Variants in PTPRG observed in about 807,000 individuals in gnomAD.
PTPRG encodes protein tyrosine phosphatase receptor type G.
PTPRG carries 102 observed loss-of-function variants against 165.3 expected under a neutral mutation model. That is an observed-to-expected ratio of 0.62 (90% CI 0.53 to 0.73). The LOEUF (loss-of-function observed/expected upper bound fraction) is 0.73. PTPRG is among the 30% of genes least tolerant of loss of function. PTPRG has a pLI of 0.00. For synonymous variants in PTPRG, 675 were observed against 669.5 expected (o/e 1.01, Z -0.13); for missense variants, 1,866 against 1,861.4 (o/e 1.00, Z -0.05).
At chr3:61,773,685 C>G (rs1195801820) in intron 2 of PTPRG, among the ~76,000 whole-genome samples, 1 of 151,856 alleles carries the variant, frequency 6.6e-6, no homozygotes, top group Non-Finnish European at 1.5e-5. Context: ...CTGCTGTATC[C>G]TGAGATCTCA....
chr3:61,791,021 A>G (rs1039868008), intron 2 of PTPRG, among the ~76,000 whole-genome samples: 1 of 152,186 alleles, frequency 6.6e-6, no homozygotes, highest in Non-Finnish European at 1.5e-5. Context: ...GTTAAGGTAA[A>G]GATGTCGGTT....
intron 1 of PTPRG, among the ~76,000 whole-genome samples, chr3:61,642,675 A>G (rs1176679129): frequency 6.6e-6 from 1 of 152,208 alleles, no homozygotes; most frequent in Non-Finnish European, 1.5e-5. Flanking sequence ...TGACTTGGAA[A>G]TGAAGCTTTT....
At chr3:62,106,229 T>C (rs987364873) in intron 5 of PTPRG, among the ~76,000 whole-genome samples, 4 of 152,098 alleles carry the variant, frequency 2.6e-5, no homozygotes, top group Non-Finnish European at 5.9e-5. Flanking sequence ...CTAGAGAAGG[T>C]TGGGGAGGGC....
At chr3:61,699,696 A>G (rs1362998864) in intron 1 of PTPRG, among the ~76,000 whole-genome samples, 1 of 152,180 alleles carries the variant, frequency 6.6e-6, no homozygotes, top group African/African-American at 2.4e-5. Flanking sequence ...CTTGGCTTGA[A>G]TTGTCTGCTG....
chr3:62,141,840 T>C (rs546657370), intron 6 of PTPRG, among the ~76,000 whole-genome samples: 6 of 151,028 alleles, frequency 4.0e-5, no homozygotes, highest in South Asian at 2.1e-4. Context: ...ACCCAGGAGG[T>C]TGAGGCTGCA....
intron 4 of PTPRG, among the ~76,000 whole-genome samples, chr3:62,048,710 A>T (rs1161580187): frequency 6.6e-6 from 1 of 152,210 alleles, no homozygotes; most frequent in Non-Finnish European, 1.5e-5. Flanking sequence ...GTCTTCAGAA[A>T]ATCCTAGTGG....
chr3:62,123,602 G>C (rs73096515), intron 5 of PTPRG, among the ~76,000 whole-genome samples: 1 of 151,884 alleles, frequency 6.6e-6, no homozygotes, highest in Non-Finnish European at 1.5e-5. Flanking sequence ...AAAGGGTTAC[G>C]TTTACAACTA....
chr3:61,926,129 G>A (rs1327315927), intron 2 of PTPRG, among the ~76,000 whole-genome samples: 1 of 152,170 alleles, frequency 6.6e-6, no homozygotes, highest in Non-Finnish European at 1.5e-5. Context: ...GTAATGGAGG[G>A]CTATTTTAAG....
intron 1 of PTPRG, among the ~76,000 whole-genome samples, chr3:61,652,636 G>T (rs1395286010): frequency 6.6e-6 from 1 of 152,064 alleles, no homozygotes; most frequent in Non-Finnish European, 1.5e-5. Context: ...TTATATTTAA[G>T]ATACATCCTC....
intron 5 of PTPRG, among the ~76,000 whole-genome samples, chr3:62,107,635 G>A (rs1702518553): frequency 1.3e-5 from 2 of 152,174 alleles, no homozygotes; most frequent in South Asian, 4.1e-4. Flanking sequence ...TCTTGTAACA[G>A]AGAAAATGTA....
intron 6 of PTPRG, among the ~76,000 whole-genome samples, chr3:62,137,234 CT>C (rs1407829886): frequency 6.6e-6 from 1 of 152,152 alleles, no homozygotes; most frequent in Non-Finnish European, 1.5e-5. Context: ...ATTACCAGCA[CT>C]TTTTGTATAC....
Position 62,271,427 on chromosome 3 carries a change from G to T in PTPRG, c.3054G>T (p.Val1018=), listed in dbSNP as rs760536348. The change falls in exon 21 of 30, where the codon GTG becomes GTT. Residue 1018 remains valine (V), a synonymous_variant. Coordinates refer to ENST00000474889, the MANE Select transcript of PTPRG (RefSeq NM_002841.4). The surrounding 1 kb of genome is among the most constrained non-coding windows in gnomAD (Gnocchi z 4.1). ...NPKGRQNERV[V]IQYHYTQWPD... Reference sequence around the variant, plus strand: ...AGGGTCGTCAGAATGAAAGGGTAGTGATCCAGTATCACTATACACAGTGGC... The same window carrying T: ...AGGGTCGTCAGAATGAAAGGGTAGTTATCCAGTATCACTATACACAGTGGC... 3 of 1,612,988 alleles carry T rather than the reference G, an allele frequency of 1.9e-6. No homozygotes were observed. In the African/African-American group the frequency reaches 4.0e-5, roughly 22 times the overall value.
At chr3:61,702,691 C>G (rs779767780) in intron 1 of PTPRG, among the ~76,000 whole-genome samples, 1 of 152,228 alleles carries the variant, frequency 6.6e-6, no homozygotes, top group African/African-American at 2.4e-5. Flanking sequence ...AACCCCCCAC[C>G]AGGTAACCAC....
chr3:61,684,408 T>C (rs1231602932), intron 1 of PTPRG, among the ~76,000 whole-genome samples: 2 of 152,232 alleles, frequency 1.3e-5, no homozygotes, highest in Non-Finnish European at 1.5e-5. Flanking sequence ...ATCTTTTGGT[T>C]TGGAACATTT....
chr3:61,738,748 C>G (rs1219682050), intron 1 of PTPRG, among the ~76,000 whole-genome samples: 1 of 151,372 alleles, frequency 6.6e-6, no homozygotes, highest in Admixed American at 6.6e-5. Context: ...TTCCTTAACT[C>G]AAGTTGTAAC....
intron 2 of PTPRG, among the ~76,000 whole-genome samples, chr3:61,900,591 A>T (rs1227794725): frequency 6.6e-6 from 1 of 152,102 alleles, no homozygotes; most frequent in African/African-American, 2.4e-5. Context: ...GCAGCTCCCA[A>T]ACCACCCTGT....
chr3:61,835,827 G>A (rs1053262088), intron 2 of PTPRG, among the ~76,000 whole-genome samples: 3 of 151,760 alleles, frequency 2.0e-5, no homozygotes, highest in Admixed American at 1.3e-4. Context: ...TCACCTGAGA[G>A]GTCAGGAGTT....
chr3:62,087,374 A>G (rs965845424), intron 5 of PTPRG, among the ~76,000 whole-genome samples: 1 of 152,216 alleles, frequency 6.6e-6, no homozygotes, highest in Non-Finnish European at 1.5e-5. Flanking sequence ...GACATAAAGC[A>G]CTTTATATTC....
rs1053808100 is a variant in PTPRG at position 61,567,556 on chromosome 3, C to T, written c.85+5184C>T. ...TGGGTGCACTCTTTTGTCCCCACTA[C>T]TTGGGAGGCCAAGATGGGAGGATTG... On this transcript the variant is annotated intron_variant, in intron 1 of 29. Coordinates refer to ENST00000474889, the MANE Select transcript of PTPRG (RefSeq NM_002841.4). Among the ~76,000 whole-genome samples, 6 of 150,376 alleles carry T rather than the reference C, an allele frequency of 4.0e-5. No individual in the cohort carries two copies. The South Asian group carries it at 1.1e-3, about 26-fold the overall frequency.
Sources: allele counts gnomAD v4.1 joint callset (sites outside exome capture counted in the v4.1 genomes callset), GRCh38; gene constraint gnomAD v4.1.1; non-coding constraint Gnocchi (gnomAD v3.1); transcripts MANE v1.5; gene names NCBI Gene and HGNC (gene_info 2026-07-23, HGNC 2026-07-21).